The following HS3ST5 variants were observed in gnomAD, a reference collection of about 807,000 sequenced individuals.
HS3ST5 encodes heparan sulfate glucosamine 3-O-sulfotransferase 5.
A neutral mutation model predicts 25.4 loss-of-function variants in HS3ST5; 10 were observed. That is an observed-to-expected ratio of 0.39 (90% CI 0.24 to 0.67). The LOEUF is 0.67. HS3ST5 is among the 30% of genes least tolerant of loss of function. The pLI, the probability that HS3ST5 is intolerant of heterozygous loss-of-function variation, is 0.44. For missense variants in HS3ST5, 324 were observed against 420.7 expected, an observed-to-expected ratio of 0.77 and a Z score of 2.01; for synonymous variants, 170 against 162.4, an observed-to-expected ratio of 1.05 and a Z score of -0.36.
rs1776838943 is a variant in HS3ST5 at position 114,341,222 on chromosome 6, G to GAGAGAGAGAGAGAGA, written c.-339+972_-339+973insTCTCTCTCTCTCTCT. 7.1e-4 allele frequency among the ~76,000 whole-genome samples: 33 copies of GAGAGAGAGAGAGAGA among 46,634 alleles called. 1 individual carries two copies. Among genetic ancestry groups the GAGAGAGAGAGAGAGA allele is most frequent in the African/African-American group, 3.9e-3 (31 of 8,026 alleles). 30.6% of individuals were successfully genotyped at this position (46,634 alleles called of 152,430 possible). A position where few individuals can be genotyped will look rare whatever the true frequency, so the allele number is the denominator to read the frequency against. Reference sequence around the variant, plus strand: ...AGGGAGAGGGAATAGGGAGAGAGGGGGAGAGAGAGAGAGAGAGAGAGAGAG... The same window carrying GAGAGAGAGAGAGAGA: ...AGGGAGAGGGAATAGGGAGAGAGGGGAGAGAGAGAGAGAGAGAGAGAGAGAGAGAGAGAGAGAGAG... On this transcript the variant is annotated intron_variant, in intron 1 of 4. Transcript: ENST00000312719.
intron 1 of HS3ST5, among the ~76,000 whole-genome samples, chr6:114,257,372 A>G (rs1362009615): frequency 6.6e-6 from 1 of 152,200 alleles, no homozygotes; most frequent in Non-Finnish European, 1.5e-5. Flanking sequence ...CAACTCATTA[A>G]TCCATATGAT....
intron 3 of HS3ST5, among the ~76,000 whole-genome samples, chr6:114,103,268 G>A (rs1775819174): frequency 6.6e-6 from 1 of 151,976 alleles, no homozygotes; most frequent in Non-Finnish European, 1.5e-5. Flanking sequence ...TTGAGCTCAG[G>A]AATTAGAGAT....
intron 1 of HS3ST5, among the ~76,000 whole-genome samples, chr6:114,265,594 T>A (rs532891060): frequency 1.3e-5 from 2 of 152,262 alleles, no homozygotes; most frequent in African/African-American, 4.8e-5. Flanking sequence ...GAGGCAAGTT[T>A]TTAAGCAAGC....
chr6:114,161,521 T>TCATATATATATA lies in HS3ST5; in HGVS notation c.-33+6829_-33+6830insTATATATATATG, dbSNP rs1778947740. ...AAAACGACAGTTGCTTCCTGAAGTT[T>TCATATATATATA]TATATATATATATATATATATATAT... On this transcript the variant is annotated intron_variant, in intron 3 of 4. Coordinates refer to ENST00000312719, the MANE Select transcript of HS3ST5 (RefSeq NM_153612.4). 1.2e-4 allele frequency among the ~76,000 whole-genome samples: 4 copies of TCATATATATATA among 33,540 alleles called. No individual in the cohort carries two copies. The South Asian group carries it at 4.8e-3, about 40-fold the overall frequency. The allele number at this position is 33,540 out of a possible 152,430, so 22.0% of individuals were successfully genotyped here.
intron 1 of HS3ST5, among the ~76,000 whole-genome samples, chr6:114,248,104 GGCAGGAGACTCACTTGAACC>G (rs1460939978): frequency 6.6e-6 from 1 of 151,206 alleles, no homozygotes; most frequent in Non-Finnish European, 1.5e-5. Flanking sequence ...AGGAGGCTGA[GGCAGGAGACTCACTTGAACC>G]TAGGAGACGG....
chr6:114,341,650 G>A (rs1328436206), intron 1 of HS3ST5, among the ~76,000 whole-genome samples: 1 of 149,790 alleles, frequency 6.7e-6, no homozygotes, highest in Non-Finnish European at 1.5e-5. Context: ...GCTGTGAGGG[G>A]TGTGGGGGGG....
intron 3 of HS3ST5, among the ~76,000 whole-genome samples, chr6:114,151,247 T>A (rs1389373202): frequency 6.6e-6 from 1 of 152,248 alleles, no homozygotes; most frequent in Non-Finnish European, 1.5e-5. Flanking sequence ...AAATCCTTTT[T>A]TATAATGGGG....
chr6:114,199,836 C>T (rs35802856), intron 2 of HS3ST5, among the ~76,000 whole-genome samples: 2,637 of 152,234 alleles, frequency 0.017, 202 homozygotes, highest in Admixed American at 0.15. Flanking sequence ...AAAGATAGCA[C>T]CTCTATCTTC....
At chr6:114,210,968 C>T (rs1781488991) in intron 2 of HS3ST5, among the ~76,000 whole-genome samples, 1 of 152,192 alleles carries the variant, frequency 6.6e-6, no homozygotes, top group Admixed American at 6.5e-5. Context: ...TCAGGTTACT[C>T]CTCAACCCTT....
intron 3 of HS3ST5, among the ~76,000 whole-genome samples, chr6:114,095,830 A>AG (rs1775395625): frequency 6.6e-6 from 1 of 152,138 alleles, no homozygotes; most frequent in South Asian, 2.1e-4. Flanking sequence ...CCCTTACTGT[A>AG]GTCCCCAAAG....
intron 3 of HS3ST5, among the ~76,000 whole-genome samples, chr6:114,091,403 T>G (rs1375386472): frequency 4.6e-5 from 7 of 151,874 alleles, no homozygotes; most frequent in Non-Finnish European, 7.4e-5. Context: ...AGTGGCTGGG[T>G]GCAGTGGCTC....
In HS3ST5 at chr6:114,240,987, C is replaced by T. The variant is rs531755726; in HGVS notation, c.-338-12209G>A. Among the ~76,000 whole-genome samples, 43 of 152,120 alleles carry T rather than the reference C, an allele frequency of 2.8e-4. 1 individual carries two copies. In the South Asian group the frequency reaches 8.9e-3, roughly 32 times the overall value. On this transcript the variant is annotated intron_variant, in intron 1 of 4. Coordinates refer to ENST00000312719, the MANE Select transcript of HS3ST5 (RefSeq NM_153612.4). Reference sequence around the variant, plus strand: ...AGGTAGTTTTGATATCAATGGGTTACACAACGAAAGCAATGACTCACTAAT... The same window carrying T: ...AGGTAGTTTTGATATCAATGGGTTATACAACGAAAGCAATGACTCACTAAT...
chr6:114,267,214 A>C (rs964085811), intron 1 of HS3ST5, among the ~76,000 whole-genome samples: 1 of 152,222 alleles, frequency 6.6e-6, no homozygotes. Flanking sequence ...CTATGTGATA[A>C]AATTATTTTT....
intron 1 of HS3ST5, among the ~76,000 whole-genome samples, chr6:114,262,349 C>T (rs1323085100): frequency 6.6e-6 from 1 of 152,158 alleles, no homozygotes; most frequent in Non-Finnish European, 1.5e-5. Flanking sequence ...AGATCAAGAC[C>T]ATCCTGGCTA....
At chr6:114,277,045 TCTGA>T (rs1301540610) in intron 1 of HS3ST5, among the ~76,000 whole-genome samples, 1 of 151,950 alleles carries the variant, frequency 6.6e-6, no homozygotes, top group East Asian at 1.9e-4. Flanking sequence ...CTTTCCCCAG[TCTGA>T]CTTTCTCTCA....
At chr6:114,167,845 A>G (rs77065860) in intron 3 of HS3ST5, among the ~76,000 whole-genome samples, 52 of 152,322 alleles carry the variant, frequency 3.4e-4, no homozygotes, top group East Asian at 9.6e-4. Flanking sequence ...AAGAAAGGAA[A>G]TAATGGGGAT....
At chr6:114,206,171 C>A (rs1382904296) in intron 2 of HS3ST5, among the ~76,000 whole-genome samples, 3 of 152,122 alleles carry the variant, frequency 2.0e-5, no homozygotes, top group Non-Finnish European at 4.4e-5. Context: ...GGAGGAAGGA[C>A]AAAGACCAAA....
At chr6:114,145,129 T>C (rs919096869) in intron 3 of HS3ST5, among the ~76,000 whole-genome samples, 2 of 152,236 alleles carry the variant, frequency 1.3e-5, no homozygotes, top group Non-Finnish European at 2.9e-5. Flanking sequence ...ATACCCTGTA[T>C]ACCAACTAGG....
rs1771425525 is a variant in HS3ST5, at chr6:114,228,651, T to C, written c.-211A>G. 1 of 152,160 alleles carries C rather than the reference T, an allele frequency of 6.6e-6. No individual in the cohort carries two copies. The highest frequency in any genetic ancestry group is 1.5e-5 in the Non-Finnish European group (1 of 68,014). The allele number at this position is 152,160 out of a possible 1,614,324, so 9.4% of individuals were successfully genotyped here. On this transcript the variant is annotated 5_prime_UTR_variant, in exon 2 of 5. Transcript: ENST00000312719. The stretch of plus-strand genomic sequence containing the variant: ...TGGTGGAAACTTTCAAAGGAATATA[T>C]GTAGTGGATTCTCTCCTTAATTTCC...
Sources: gnomAD v4.1 joint callset for allele counts (sites outside exome capture counted in the v4.1 genomes callset) on GRCh38, gnomAD v4.1.1 for gene constraint, MANE v1.5 for transcripts, NCBI Gene and HGNC (gene_info 2026-07-23, HGNC 2026-07-21) for gene names.